The following SLCO3A1 variants were observed in gnomAD, a reference collection of about 807,000 sequenced individuals.
SLCO3A1 encodes PGE1 transporter.
A neutral mutation model predicts 63.1 loss-of-function variants in SLCO3A1; 27 were observed. The observed-to-expected ratio is 0.43, with a 90% confidence interval of 0.32 to 0.59. The LOEUF (loss-of-function observed/expected upper bound fraction) is 0.59, where lower values mean the gene tolerates loss of function less well. Among genes scored for constraint, SLCO3A1 ranks in the 20% least tolerant of loss-of-function variants. The pLI is 0.09. For missense variants in SLCO3A1, 773 were observed against 945.8 expected, an observed-to-expected ratio of 0.82 and a Z score of 2.40; for synonymous variants, 473 against 409.9, an observed-to-expected ratio of 1.15 and a Z score of -1.86.
intron 2 of SLCO3A1, among the ~76,000 whole-genome samples, chr15:91,962,794 AAT>A (rs1900499583): frequency 6.6e-6 from 1 of 152,064 alleles, no homozygotes; most frequent in South Asian, 2.1e-4. Context: ...TTCACAACCC[AAT>A]AACGAGATGC....
intron 2 of SLCO3A1, among the ~76,000 whole-genome samples, chr15:92,023,396 G>C (rs1166513603): frequency 6.6e-6 from 1 of 151,780 alleles, no homozygotes; most frequent in Non-Finnish European, 1.5e-5. Context: ...CTTTTTCATT[G>C]TTTGGTACTC....
chr15:92,144,054 C>T (rs919818886), intron 7 of SLCO3A1, among the ~76,000 whole-genome samples: 2 of 152,212 alleles, frequency 1.3e-5, no homozygotes, highest in Non-Finnish European at 1.5e-5. Flanking sequence ...GACAGGTCGG[C>T]GCCTTCCGGG....
In SLCO3A1 at chr15:92,014,777, A is replaced by C. The variant is rs550107086; in HGVS notation, c.647-80104A>C. 5.9e-5 allele frequency among the ~76,000 whole-genome samples: 9 copies of C among 152,052 alleles called. No homozygotes were observed. The South Asian group carries it at 1.7e-3, about 28-fold the overall frequency. On this transcript the variant is annotated intron_variant, in intron 2 of 9. Coordinates refer to ENST00000318445, the MANE Select transcript of SLCO3A1 (RefSeq NM_013272.4). ...ATATTGTCCTTCTCTGTGGAGGGAGAAGGGTGGGAGGTTTTCAGGTCCCAA... is the reference window on the plus strand; with the variant it reads ...ATATTGTCCTTCTCTGTGGAGGGAGCAGGGTGGGAGGTTTTCAGGTCCCAA...
chr15:92,112,687 G>T (rs1400065258), intron 4 of SLCO3A1, among the ~76,000 whole-genome samples: 1 of 152,204 alleles, frequency 6.6e-6, no homozygotes, highest in African/African-American at 2.4e-5. Context: ...AATGGCAGGG[G>T]ACTCACTCAC....
At chr15:92,013,785 G>A (rs1328386171) in intron 2 of SLCO3A1, among the ~76,000 whole-genome samples, 1 of 152,166 alleles carries the variant, frequency 6.6e-6, no homozygotes, top group African/African-American at 2.4e-5. Context: ...AGTCAGACCT[G>A]TGGGGTTTAA....
chr15:91,935,263 G>A (rs1899370224), intron 2 of SLCO3A1, among the ~76,000 whole-genome samples: 1 of 152,142 alleles, frequency 6.6e-6, no homozygotes, highest in African/African-American at 2.4e-5. Flanking sequence ...AGACTTCTTA[G>A]GATAAATAAG....
At chr15:92,142,950 G>A (rs774162248) in intron 7 of SLCO3A1, among the ~76,000 whole-genome samples, 1 of 152,084 alleles carries the variant, frequency 6.6e-6, no homozygotes, top group Non-Finnish European at 1.5e-5. Context: ...CAGATGACTT[G>A]TTAAACCAAA....
chr15:91,909,037 C>T (rs1041948349), intron 1 of SLCO3A1, among the ~76,000 whole-genome samples: 8 of 152,084 alleles, frequency 5.3e-5, no homozygotes, highest in East Asian at 3.9e-4. Context: ...CTCCAGCCTG[C>T]GCAACAGAGC....
chr15:91,941,320 A>G lies in SLCO3A1; in HGVS notation c.646+24862A>G, dbSNP rs1002553522. ...CTGGGGGGTGGGAGAGAGACACTGA[A>G]TCAGTGCATGAGTGACCAGCTAGGA... On this transcript the variant is annotated intron_variant, in intron 2 of 9. Transcript: ENST00000318445. The surrounding 1 kb of genome is among the most constrained non-coding windows in gnomAD (Gnocchi z 4.4). 1.7e-4 allele frequency: 46 copies of G among 276,488 alleles called. 2 individuals carry two copies. The Admixed American group carries it at 2.2e-3, about 13-fold the overall frequency. The allele number at this position is 276,488 out of a possible 1,614,324, so 17.1% of individuals were successfully genotyped here.
intron 1 of SLCO3A1, among the ~76,000 whole-genome samples, chr15:91,898,621 G>C (rs529754240): frequency 6.6e-6 from 1 of 152,174 alleles, no homozygotes; most frequent in South Asian, 2.1e-4. Flanking sequence ...CATCCTCAGT[G>C]GGTTGACATC....
At chr15:92,143,244 C>G (rs914026428) in intron 7 of SLCO3A1, among the ~76,000 whole-genome samples, 2 of 141,210 alleles carry the variant, frequency 1.4e-5, no homozygotes, top group African/African-American at 5.4e-5. Context: ...CCTCACAGAC[C>G]ACTGCAGTAA....
intron 3 of SLCO3A1, among the ~76,000 whole-genome samples, chr15:92,098,594 G>C (rs911875431): frequency 6.6e-6 from 1 of 152,176 alleles, no homozygotes; most frequent in Non-Finnish European, 1.5e-5. Context: ...ATTACAAAAA[G>C]ATTAGTAGTA....
intron 7 of SLCO3A1, among the ~76,000 whole-genome samples, 194 bp from the exon 8 acceptor site, chr15:92,146,790 C>T (rs1364392571): frequency 1.3e-5 from 2 of 151,904 alleles, no homozygotes; most frequent in Admixed American, 6.6e-5. Context: ...CAGCTCTCCT[C>T]CCCGTAAATA....
chr15:91,894,653 T>C lies in SLCO3A1; in HGVS notation c.181-21340T>C, dbSNP rs1396124409. ...AGCATTTTTGACTTGAATGTTCATATGTACCACTGGGGATCTTGGTAAAAT... is the reference window on the plus strand; with the variant it reads ...AGCATTTTTGACTTGAATGTTCATACGTACCACTGGGGATCTTGGTAAAAT... On this transcript the variant is annotated intron_variant, in intron 1 of 9. Coordinates refer to ENST00000318445, the MANE Select transcript of SLCO3A1 (RefSeq NM_013272.4). The surrounding 1 kb of genome is among the most constrained non-coding windows in gnomAD (Gnocchi z 4.8). 6.6e-6 allele frequency among the ~76,000 whole-genome samples: 1 copy of C among 152,226 alleles called. No homozygotes were observed. Among genetic ancestry groups the C allele is most frequent in the Admixed American group, 6.5e-5 (1 of 15,290 alleles).
At chr15:92,070,022 T>C (rs984792381) in intron 2 of SLCO3A1, among the ~76,000 whole-genome samples, 1 of 152,260 alleles carries the variant, frequency 6.6e-6, no homozygotes, top group Admixed American at 6.5e-5. Flanking sequence ...CTCTATTCTG[T>C]TGCGTTGGCA....
At chr15:92,153,155 T>A (rs933745316) in intron 9 of SLCO3A1, among the ~76,000 whole-genome samples, 2 of 152,194 alleles carry the variant, frequency 1.3e-5, no homozygotes. Flanking sequence ...GTTTTTCAAC[T>A]TCTGCAACTG....
chr15:91,959,586 G>C (rs752973978), intron 2 of SLCO3A1, among the ~76,000 whole-genome samples: 3 of 151,512 alleles, frequency 2.0e-5, no homozygotes, highest in Non-Finnish European at 4.4e-5. Context: ...AAAAAAATTC[G>C]CTGGGTGTGG....
At position 91,950,491 on chromosome 15, in the gene SLCO3A1, T is replaced by C. The variant is rs1466341134; in HGVS notation, c.646+34033T>C. Among the ~76,000 whole-genome samples, 6 of 152,206 alleles carry C rather than the reference T, an allele frequency of 3.9e-5. No homozygotes were observed. Among genetic ancestry groups the C allele is most frequent in the African/African-American group, 1.4e-4 (6 of 41,448 alleles). On this transcript the variant is annotated intron_variant, in intron 2 of 9. Transcript: ENST00000318445. This position sits in a 1 kb window ranked among gnomAD's most constrained non-coding sequence, Gnocchi z 4.4. ...GCAGATGAGCCCCTGCAGGGGAACG[T>C]TGTGCAGTATGGCAGGCGCACCCCA...
At chr15:92,141,880 C>T (rs370768390) in intron 7 of SLCO3A1, among the ~76,000 whole-genome samples, 3 of 152,286 alleles carry the variant, frequency 2.0e-5, no homozygotes, top group East Asian at 3.9e-4. Flanking sequence ...GCCATCTGAC[C>T]ACAACTGCAG....
Sources: gnomAD v4.1 joint callset for allele counts (sites outside exome capture counted in the v4.1 genomes callset) on GRCh38, gnomAD v4.1.1 for gene constraint, Gnocchi (gnomAD v3.1) non-coding constraint, MANE v1.5 for transcripts, NCBI Gene and HGNC (gene_info 2026-07-23, HGNC 2026-07-21) for gene names.